Variants in HTT observed in about 807,000 individuals in gnomAD.
HTT encodes the protein huntington disease protein.
Under a neutral mutation model 362.3 loss-of-function variants are expected in HTT, and 104 were observed. The ratio of observed to expected loss-of-function variants is 0.29; its 90% CI spans 0.24 to 0.34. HTT has a LOEUF of 0.34. HTT is among the 10% of genes least tolerant of loss of function. The probability of loss-of-function intolerance (pLI) is 1.00; values close to 1 mark genes in which losing one functional copy is unlikely to be tolerated. For missense variants in HTT, 3,301 were observed against 3,928.6 expected, an observed-to-expected ratio of 0.84 and a Z score of 4.27; for synonymous variants, 1,577 against 1,548.7, an observed-to-expected ratio of 1.02 and a Z score of -0.43.
intron 47 of HTT, among the ~76,000 whole-genome samples, chr4:3,210,681 G>A (rs1249710145): frequency 3.3e-5 from 5 of 152,182 alleles, no homozygotes; most frequent in African/African-American, 1.2e-4. Flanking sequence ...ACTAGGACGG[G>A]AGAAACCTCC....
chr4:3,176,802 C>T (rs565840118), intron 33 of HTT, among the ~76,000 whole-genome samples: 33 of 152,350 alleles, frequency 2.2e-4, no homozygotes, highest in African/African-American at 7.7e-4. Flanking sequence ...TGTTTGCATT[C>T]TGCCCAGAGG....
intron 1 of HTT, among the ~76,000 whole-genome samples, chr4:3,079,924 A>G (rs918082912): frequency 6.6e-6 from 1 of 152,068 alleles, no homozygotes; most frequent in African/African-American, 2.4e-5. Flanking sequence ...CACTTGTTGA[A>G]CTCTGCTAAG....
chr4:3,131,122 C>T (rs1347765822), intron 14 of HTT, among the ~76,000 whole-genome samples, 164 bp from the exon 15 acceptor site: 1 of 151,980 alleles, frequency 6.6e-6, no homozygotes, highest in Non-Finnish European at 1.5e-5. Flanking sequence ...TTCTGCTTGG[C>T]CATGGTCTCT....
rs2110288989 is a variant in HTT at position 3,223,511 on chromosome 4, T to C, written c.7576T>C (p.Cys2526Arg). ...VPVAGNPAVS[C>R]LEQQPRNKPL... The stretch of plus-strand genomic sequence containing the variant: ...TGTGGCCGGCAACCCAGCTGTAAGC[T>C]GCTTGGAGCAGCAGCCCCGGAACAA... The change falls in exon 55 of 67, where the codon TGC becomes CGC. Residue 2526 changes from cysteine (C) to arginine (R), a missense_variant. Physicochemically the swap from Cys to Arg is radical, Grantham distance 180. Coordinates refer to ENST00000355072, the MANE Select transcript of HTT (RefSeq NM_001388492.1). The C allele has an allele frequency of 6.2e-7, 1 of 1,613,954 alleles. No homozygotes were observed. Among genetic ancestry groups the C allele is most frequent in the Non-Finnish European group, 8.5e-7 (1 of 1,179,920 alleles).
chr4:3,111,309 T>G (rs1213908522), intron 6 of HTT, among the ~76,000 whole-genome samples: 1 of 151,762 alleles, frequency 6.6e-6, no homozygotes, highest in Non-Finnish European at 1.5e-5. Context: ...TTCTCCTGCC[T>G]CAGCCTCTCA....
Position 3,187,657 on chromosome 4 carries a change from G to C in HTT, c.4996G>C (p.Val1666Leu). 2.5e-6 allele frequency: 4 copies of C among 1,612,646 alleles called. No individual in the cohort carries two copies. Among genetic ancestry groups the C allele is most frequent in the Non-Finnish European group, 3.4e-6 (4 of 1,178,730 alleles). The change falls in exon 39 of 67, where the codon GTG (valine) becomes CTG (leucine). Residue 1666 changes from valine to leucine, a missense_variant. Coordinates refer to ENST00000355072, the MANE Select transcript of HTT (RefSeq NM_001388492.1). The part of the protein sequence containing the change: ...MFVTPNTMAS[V>L]STVQLWISGI... ...TGTATTATGTTTATTTTAGGCGTCCGTGAGCACTGTTCAACTGTGGATATC... is the reference window on the plus strand; with the variant it reads ...TGTATTATGTTTATTTTAGGCGTCCCTGAGCACTGTTCAACTGTGGATATC...
intron 45 of HTT, among the ~76,000 whole-genome samples, chr4:3,207,618 A>G (rs558559480): frequency 4.6e-5 from 7 of 152,348 alleles, no homozygotes; most frequent in African/African-American, 1.4e-4. Flanking sequence ...GAGAGGTAGC[A>G]TTTAGAATGC....
rs748426123 is a variant in HTT, at chr4:3,127,498, T to C, written c.1637T>C (p.Met546Thr). ...AGCGCCGTCCCATCTGACCCTGCCA[T>C]GGACCTGAATGATGGGACCCAGGCC... ...QVSAVPSDPA[M>T]DLNDGTQASS... The change falls in exon 12 of 67, where the codon ATG becomes ACG. Residue 546 changes from methionine (M) to threonine (T), a missense_variant. Transcript: ENST00000355072. The C allele has an allele frequency of 1.2e-6, 2 of 1,614,198 alleles. No individual in the cohort carries two copies. The highest frequency in any genetic ancestry group is 2.2e-5 in the East Asian group (1 of 44,878).
intron 1 of HTT, among the ~76,000 whole-genome samples, chr4:3,083,588 T>C (rs73191181): frequency 0.1 from 11,184 of 106,540 alleles, 663 homozygotes; most frequent in East Asian, 0.24. Flanking sequence ...CACACACACA[T>C]ATATATGTAT....
intron 31 of HTT, among the ~76,000 whole-genome samples, chr4:3,173,672 GTTT>G (rs534371913): frequency 7.0e-6 from 1 of 142,284 alleles, no homozygotes. Flanking sequence ...ACTTAAATTT[GTTT>G]TTTTTTTTTT....
intron 26 of HTT, among the ~76,000 whole-genome samples, chr4:3,148,729 C>T (rs980037011): frequency 2.6e-5 from 4 of 152,176 alleles, no homozygotes; most frequent in Admixed American, 6.5e-5. Flanking sequence ...ATCCGGGAGG[C>T]GGAGCTTGCA....
chr4:3,111,612 A>G (rs1457441915), intron 6 of HTT, among the ~76,000 whole-genome samples: 1 of 152,040 alleles, frequency 6.6e-6, no homozygotes, highest in Non-Finnish European at 1.5e-5. Context: ...GCAACCGGGG[A>G]CTGGAAGGGA....
Position 3,196,819 on chromosome 4 carries a change from T to C in HTT, c.5369-2913T>C, listed in dbSNP as rs568252750. Among the ~76,000 whole-genome samples the C allele has an allele frequency of 4.0e-4, 61 of 152,004 alleles. 2 individuals are homozygous for C. The South Asian group carries it at 0.012, about 30-fold the overall frequency. On this transcript the variant is annotated intron_variant, in intron 40 of 66. Transcript: ENST00000355072. ...CCTTTCCTTTCCTGCCTGTAGCTGC[T>C]CTTTTACACTTAACAGCCACACTAA...
chr4:3,186,789 C>T, intron 38 of HTT, 70 bp downstream of exon 38: 3 of 1,538,234 alleles, frequency 2.0e-6, no homozygotes, highest in African/African-American at 1.4e-5. Flanking sequence ...TGGGACCACC[C>T]CCAGAATGTC....
In HTT at chr4:3,241,055, A is replaced by G. The variant is rs1721779685; in HGVS notation, c.*996A>G. 1.3e-5 allele frequency: 2 copies of G among 152,494 alleles called. No homozygotes were observed. Among genetic ancestry groups the G allele is most frequent in the South Asian group, 2.1e-4 (1 of 4,832 alleles). 9.4% of individuals were successfully genotyped at this position (152,494 alleles called of 1,614,324 possible). A position where few individuals can be genotyped will look rare whatever the true frequency, so the allele number is the denominator to read the frequency against. ...AGCAGCCTCCACTGTGTCCAGAGAC[A>G]TGGGCCTCCCACTCCTGTTCCTTGC... On this transcript the variant is annotated 3_prime_UTR_variant, in exon 67 of 67. Transcript: ENST00000355072.
chr4:3,078,145 G>C (rs1712663550), intron 1 of HTT, among the ~76,000 whole-genome samples: 1 of 152,234 alleles, frequency 6.6e-6, no homozygotes, highest in Non-Finnish European at 1.5e-5. Flanking sequence ...GGTCCTCACA[G>C]TAATTAGGAG....
intron 2 of HTT, among the ~76,000 whole-genome samples, chr4:3,094,605 G>C (rs1389469478): frequency 2.1e-5 from 3 of 145,144 alleles, no homozygotes; most frequent in African/African-American, 7.5e-5. Context: ...CCTCCCGGAC[G>C]GGGCGGCTGG....
In HTT at chr4:3,206,703, C is replaced by T. The variant is rs1719871006; in HGVS notation, c.5898+28C>T. On this transcript the variant is annotated intron_variant, in intron 43 of 66. Coordinates refer to ENST00000355072, the MANE Select transcript of HTT (RefSeq NM_001388492.1). The surrounding 1 kb of genome is among the most constrained non-coding windows in gnomAD (Gnocchi z 4.6). Reference sequence around the variant, plus strand: ...ACGTCTTCATCCTGCCGACTATTGCCAGTTGCAGTTTTCCCTGCCTTAAAA... The same window carrying T: ...ACGTCTTCATCCTGCCGACTATTGCTAGTTGCAGTTTTCCCTGCCTTAAAA... 1 of 1,599,064 alleles carries T rather than the reference C, an allele frequency of 6.3e-7. No individual in the cohort carries two copies. The highest frequency in any genetic ancestry group is 8.6e-7 in the Non-Finnish European group (1 of 1,168,920).
Position 3,186,680 on chromosome 4 carries a change from C to T in HTT, c.4950C>T (p.Asp1650=). ...CCCCTTCCTCCCTCCGTCCGGTAGA[C>T]ATGCTTTTACGGAGTATGTTCGTCA... is the stretch of plus-strand genomic sequence containing the variant. The part of the protein sequence containing the change: ...ILAPSSLRPV[D]MLLRSMFVTP... The change falls in exon 38 of 67, where the codon GAC becomes GAT. Residue 1650 remains aspartate, a synonymous_variant. Transcript: ENST00000355072. 1 of 1,613,714 alleles carries T rather than the reference C, an allele frequency of 6.2e-7. No individual in the cohort carries two copies. Among genetic ancestry groups the T allele is most frequent in the Non-Finnish European group, 8.5e-7 (1 of 1,179,762 alleles).
Sources: allele counts gnomAD v4.1 joint callset (sites outside exome capture counted in the v4.1 genomes callset), GRCh38; gene constraint gnomAD v4.1.1; non-coding constraint Gnocchi (gnomAD v3.1); transcripts MANE v1.5; gene names NCBI Gene and HGNC (gene_info 2026-07-23, HGNC 2026-07-21).